Variants in UBE2H observed in about 807,000 individuals in gnomAD.
UBE2H encodes ubiquitin conjugating enzyme E2 H.
UBE2H carries 3 observed loss-of-function variants against 29.0 expected under a neutral mutation model. The observed-to-expected ratio is 0.10, with a 90% CI of 0.05 to 0.27. UBE2H has a LOEUF of 0.27. UBE2H is among the 10% of genes least tolerant of loss of function. The pLI is 1.00. For synonymous variants in UBE2H, 69 were observed against 82.9 expected (o/e 0.83, Z 0.91); for missense variants, 68 against 228.2 (o/e 0.30, Z 4.52).
chr7:129,843,147 C>T (rs1376201470), intron 5 of UBE2H, among the ~76,000 whole-genome samples: 3 of 151,656 alleles, frequency 2.0e-5, no homozygotes, highest in South Asian at 4.1e-4. Context: ...TACAGGCACA[C>T]GCCGCCACAT....
chr7:129,914,405 G>T (rs966755541), intron 1 of UBE2H, among the ~76,000 whole-genome samples: 1 of 152,098 alleles, frequency 6.6e-6, no homozygotes, highest in Admixed American at 6.5e-5. Flanking sequence ...GACCTCAAGT[G>T]ACCCACACAC....
chr7:129,859,112 A>G (rs1805756386), intron 3 of UBE2H, 171 bp from the exon 4 acceptor site: 1 of 589,774 alleles, frequency 1.7e-6, no homozygotes, highest in Admixed American at 3.3e-5. Context: ...GATAGCTCCA[A>G]TTATTTGGAA....
intron 3 of UBE2H, among the ~76,000 whole-genome samples, chr7:129,860,757 GGTTA>G (rs1805785395): frequency 1.3e-5 from 2 of 151,754 alleles, no homozygotes; most frequent in African/African-American, 4.8e-5. Context: ...TACAGGCTGA[GGTTA>G]TTTAAATAAA....
chr7:129,844,270 A>G (rs1399641865), intron 5 of UBE2H, among the ~76,000 whole-genome samples: 3 of 152,224 alleles, frequency 2.0e-5, no homozygotes, highest in African/African-American at 7.2e-5. Context: ...TCTTAAAGCA[A>G]TAAGGCCTTC....
chr7:129,896,481 G>T (rs183008803), intron 1 of UBE2H, among the ~76,000 whole-genome samples: 1 of 152,024 alleles, frequency 6.6e-6, no homozygotes, highest in Non-Finnish European at 1.5e-5. Context: ...CTCAGCTCAC[G>T]GCAGCCTCGA....
At chr7:129,836,913 G>GAAAAAAAAAAAAAA (rs1805340801) in intron 6 of UBE2H, among the ~76,000 whole-genome samples, 1 of 90,084 alleles carries the variant, frequency 1.1e-5, no homozygotes, top group Non-Finnish European at 2.6e-5. Flanking sequence ...AAAAAAAAAG[G>GAAAAAAAAAAAAAA]AGTAAGGGCA....
At chr7:129,884,244 C>T (rs1359127837) in intron 1 of UBE2H, among the ~76,000 whole-genome samples, 2 of 151,674 alleles carry the variant, frequency 1.3e-5, no homozygotes, top group African/African-American at 4.8e-5. Context: ...GGTGAAACCC[C>T]GTCTCTACTA....
intron 5 of UBE2H, among the ~76,000 whole-genome samples, chr7:129,856,715 G>C (rs1476738400): frequency 6.6e-6 from 1 of 152,100 alleles, no homozygotes; most frequent in African/African-American, 2.4e-5. Flanking sequence ...AACAACATGG[G>C]TCCACACACA....
At chr7:129,942,994 C>T (rs1229598734) in intron 1 of UBE2H, among the ~76,000 whole-genome samples, 2 of 152,022 alleles carry the variant, frequency 1.3e-5, no homozygotes, top group East Asian at 3.9e-4. Context: ...AGGTGTGCAC[C>T]ACCACACCCA....
chr7:129,848,836 C>CTTTT (rs34279042), intron 5 of UBE2H, among the ~76,000 whole-genome samples: 4 of 128,746 alleles, frequency 3.1e-5, no homozygotes, highest in Non-Finnish European at 3.2e-5. Context: ...AACCAGGTAG[C>CTTTT]TTTTTTTTTT....
At chr7:129,854,067 T>TTTTTTTTTTTA (rs1554430948) in intron 5 of UBE2H, among the ~76,000 whole-genome samples, 3 of 148,782 alleles carry the variant, frequency 2.0e-5, no homozygotes, top group Admixed American at 6.7e-5. Flanking sequence ...TTAGTTTTTT[T>TTTTTTTTTTTA]TTTTTTTTTT....
At chr7:129,909,973 T>C (rs1454233019) in intron 1 of UBE2H, among the ~76,000 whole-genome samples, 2 of 151,540 alleles carry the variant, frequency 1.3e-5, no homozygotes, top group Admixed American at 6.6e-5. Context: ...AAAACAAATA[T>C]AGAGGGGGGG....
chr7:129,872,424 AAT>A (rs1295652253), intron 3 of UBE2H, among the ~76,000 whole-genome samples: 2 of 152,162 alleles, frequency 1.3e-5, no homozygotes, highest in African/African-American at 4.8e-5. Flanking sequence ...CCACTCCAAA[AAT>A]AGTGTGAGGT....
chr7:129,883,352 T>C (rs1266589091), intron 1 of UBE2H, among the ~76,000 whole-genome samples: 1 of 152,240 alleles, frequency 6.6e-6, no homozygotes. Flanking sequence ...CACATATGCA[T>C]ACCCTATGCC....
chr7:129,943,437 G>A (rs951840978), intron 1 of UBE2H, among the ~76,000 whole-genome samples: 2 of 152,194 alleles, frequency 1.3e-5, no homozygotes, highest in Non-Finnish European at 2.9e-5. Flanking sequence ...AATGGGGGTG[G>A]GGAGAGAAGA....
At position 129,952,389 on chromosome 7, in the gene UBE2H, G is replaced by A. The variant is rs80300138; in HGVS notation, c.53+114C>T. ...CCGTAGGCACTGGGGGAGGAGGGGA[G>A]TCTCGGACAGTGGCCTGGAGTGCCC... On this transcript the variant is annotated intron_variant, in intron 1 of 6. Transcript: ENST00000355621. 7.4e-6 allele frequency: 10 copies of A among 1,347,200 alleles called. No homozygotes were observed. In the East Asian group the frequency reaches 2.4e-4, roughly 32 times the overall value. 83.5% of individuals were successfully genotyped at this position (1,347,200 alleles called of 1,614,324 possible).
rs1279996303 is a variant in UBE2H at position 129,948,926 on chromosome 7, T to C, written c.53+3577A>G. The C allele has an allele frequency of 1.6e-5, 7 of 431,884 alleles. No homozygotes were observed. In the East Asian group the frequency reaches 5.2e-4, roughly 32 times the overall value. 26.8% of individuals were successfully genotyped at this position (431,884 alleles called of 1,614,324 possible). The stretch of plus-strand genomic sequence containing the variant: ...AGAGGGCCTCCCCAGCCCCCACCTC[T>C]TTTGTATATAAACACACTCTCTTGT... On this transcript the variant is annotated intron_variant, in intron 1 of 6. Coordinates refer to ENST00000355621, the MANE Select transcript of UBE2H (RefSeq NM_003344.4).
At chr7:129,854,061 T>TTTTTTTTTTTTTTTTTATTTTA (rs1805659862) in intron 5 of UBE2H, among the ~76,000 whole-genome samples, 1 of 56,246 alleles carries the variant, frequency 1.8e-5, no homozygotes. Context: ...TTAGTGTTAG[T>TTTTTTTTTTTTTTTTTATTTTA]TTTTTTTTTT....
rs7790079 is a variant in UBE2H, at chr7:129,943,579, G to A, written c.53+8924C>T. 4.4e-3 allele frequency among the ~76,000 whole-genome samples: 669 copies of A among 152,128 alleles called. 4 individuals are homozygous for A. Among genetic ancestry groups the A allele is most frequent in the African/African-American group, 0.014 (598 of 41,510 alleles). The stretch of plus-strand genomic sequence containing the variant: ...AGCCTGGGCAACACAGCCAGACTCC[G>A]TCTAAAAACACAAACACAAAAACAA... On this transcript the variant is annotated intron_variant, in intron 1 of 6. Transcript: ENST00000355621.
Sources: allele counts gnomAD v4.1 joint callset (sites outside exome capture counted in the v4.1 genomes callset), GRCh38; gene constraint gnomAD v4.1.1; transcripts MANE v1.5; gene names NCBI Gene and HGNC (gene_info 2026-07-23, HGNC 2026-07-21).